MYBL1: variants seen among roughly 807,000 people sequenced by gnomAD.
MYBL1 encodes the protein MYB proto-oncogene like 1.
MYBL1 carries 17 observed loss-of-function variants against 96.3 expected under a neutral mutation model. That is an observed-to-expected ratio of 0.18 (90% CI 0.12 to 0.26). MYBL1 has a LOEUF of 0.26. Among genes scored for constraint, MYBL1 ranks in the 10% least tolerant of loss-of-function variants. The probability of loss-of-function intolerance (pLI) is 1.00; values close to 1 mark genes in which losing one functional copy is unlikely to be tolerated. For synonymous variants in MYBL1, 282 were observed against 292.7 expected, an observed-to-expected ratio of 0.96 and a Z score of 0.37; for missense variants, 701 against 882.9, an observed-to-expected ratio of 0.79 and a Z score of 2.61.
intron 1 of MYBL1, among the ~76,000 whole-genome samples, chr8:66,606,347 G>A (rs1022694518): frequency 3.9e-5 from 6 of 152,046 alleles, no homozygotes; most frequent in Non-Finnish European, 7.4e-5. Flanking sequence ...TTAGTATTAC[G>A]TGCATAGGCT....
chr8:66,597,270 A>G (rs1384811570), intron 5 of MYBL1, 60 bp downstream of exon 5: 3 of 1,189,768 alleles, frequency 2.5e-6, no homozygotes, highest in East Asian at 2.6e-5. Context: ...TGTATTTAAC[A>G]GTAAGGTAAT....
At chr8:66,608,379 C>T (rs375833929) in intron 1 of MYBL1, among the ~76,000 whole-genome samples, 1 of 152,090 alleles carries the variant, frequency 6.6e-6, no homozygotes, top group African/African-American at 2.4e-5. Flanking sequence ...TTAGAATTAT[C>T]TACCACTCTG....
chr8:66,600,883 T>C (rs1343657462), intron 3 of MYBL1, among the ~76,000 whole-genome samples: 4 of 152,038 alleles, frequency 2.6e-5, no homozygotes, highest in Non-Finnish European at 4.4e-5. Context: ...TAAGAGCATA[T>C]GTGAGGACCA....
At chr8:66,599,500 G>T (rs1809980807) in intron 3 of MYBL1, among the ~76,000 whole-genome samples, 1 of 152,076 alleles carries the variant, frequency 6.6e-6, no homozygotes, top group African/African-American at 2.4e-5. Context: ...ACACAAAGCT[G>T]ACATAAGAAC....
chr8:66,595,554 T>A, intron 6 of MYBL1, 29 bp downstream of exon 6: 1 of 1,349,304 alleles, frequency 7.4e-7, no homozygotes, highest in East Asian at 2.8e-5. Flanking sequence ...GAAAATTTTT[T>A]AAATAATAAA....
In MYBL1 at chr8:66,595,607, C is replaced by G; in HGVS notation, c.663G>C (p.Gln221His). The stretch of plus-strand genomic sequence containing the variant: ...CCTGAACAGGTATGTAAAACTGATT[C>G]TGGGTTTGCATATGATCCATAGCTG... ...PCAAMDHMQT[Q>H]NQFYIPVQIP... is the part of the protein sequence containing the mutation. Residue 221 changes from glutamine to histidine, a missense_variant, in exon 6 of 16, where the codon CAG (glutamine) becomes CAC (histidine). By Grantham distance (24) the Gln-to-His change is conservative. Coordinates refer to ENST00000522677, the MANE Select transcript of MYBL1 (RefSeq NM_001080416.4). The G allele has an allele frequency of 6.3e-7, 1 of 1,579,610 alleles. No homozygotes were observed. The highest frequency in any genetic ancestry group is 8.6e-7 in the Non-Finnish European group (1 of 1,163,318).
intron 8 of MYBL1, among the ~76,000 whole-genome samples, chr8:66,586,808 T>C (rs2129886340): frequency 6.6e-6 from 1 of 152,310 alleles, no homozygotes; most frequent in East Asian, 1.9e-4. Flanking sequence ...TCTGTATATT[T>C]ATACACACAC....
At chr8:66,583,440 C>A (rs1809293571) in intron 8 of MYBL1, among the ~76,000 whole-genome samples, 1 of 151,784 alleles carries the variant, frequency 6.6e-6, no homozygotes, top group African/African-American at 2.4e-5. Context: ...AAACCAAACC[C>A]AAAGCTAGCA....
At chr8:66,592,895 G>C (rs1340006703) in intron 7 of MYBL1, among the ~76,000 whole-genome samples, 1 of 152,054 alleles carries the variant, frequency 6.6e-6, no homozygotes, top group South Asian at 2.1e-4. Context: ...GCTTTACCTT[G>C]AAAGAATGAA....
rs1808522328 is a variant in MYBL1 at position 66,566,786 on chromosome 8, A to T, written c.1848T>A (p.Asn616Lys). The change falls in exon 14 of 16, where the codon AAT becomes AAA. Residue 616 changes from asparagine (N) to lysine (K), a missense_variant and splice_region_variant. Asn to Lys is a moderately conservative substitution (Grantham distance 94). Around this residue, in one of 5 missense-constraint regions of MYBL1, gnomAD observed 63 missense variants for 109.2 expected, o/e 0.58. Transcript: ENST00000522677. ...EPAYKSCKQE[N>K]TASGKKVRKS... ...TTCTGACTTTCTTCCCAGAAGCGGT[A>T]TTCTAGAATGAGTAATTTATGTAGA... 1 of 1,604,174 alleles carries T rather than the reference A, an allele frequency of 6.2e-7. No homozygotes were observed. Among genetic ancestry groups the T allele is most frequent in the African/African-American group, 1.3e-5 (1 of 74,684 alleles).
intron 8 of MYBL1, among the ~76,000 whole-genome samples, chr8:66,585,992 C>G (rs2129878654): frequency 6.8e-6 from 1 of 147,314 alleles, no homozygotes; most frequent in Non-Finnish European, 1.5e-5. Context: ...ACAAAAAAAT[C>G]AACAACAAAA....
intron 13 of MYBL1, 33 bp downstream of exon 13, chr8:66,566,843 A>G (rs1233856035): frequency 1.3e-6 from 2 of 1,590,440 alleles, no homozygotes; most frequent in East Asian, 2.2e-5. Flanking sequence ...GGATACAATA[A>G]GACTTTTATT....
chr8:66,578,865 T>C (rs1310795984), intron 9 of MYBL1, among the ~76,000 whole-genome samples: 1 of 152,002 alleles, frequency 6.6e-6, no homozygotes, highest in Admixed American at 6.6e-5. Context: ...ATTAAGAAAA[T>C]GTGGCACATA....
In MYBL1 at chr8:66,576,148, T is replaced by C. The variant is rs530144248; in HGVS notation, c.1329A>G (p.Pro443=). 2.5e-6 allele frequency: 4 copies of C among 1,613,990 alleles called. No individual in the cohort carries two copies. In the South Asian group the frequency reaches 4.4e-5, roughly 18 times the overall value. ...TSPNIAKFST[P]PAILRKKRKM... ...TTCTCTTCTTTCTGAGGATGGCTGG[T>C]GGAGTGCTAAACTTGGCTATATTTG... The change falls in exon 10 of 16, where the codon CCA becomes CCG. Residue 443 remains proline (P), a synonymous_variant. Transcript: ENST00000522677.
At position 66,562,856 on chromosome 8, in the gene MYBL1, A is replaced by AT. The variant is rs1424471325; in HGVS notation, c.*1840dup. ...TAAGAGGATTCAAATTGGTTTATCT[A>AT]TTTATCAATAAGGCATAATCTTAGT... On this transcript the variant is annotated 3_prime_UTR_variant, in exon 16 of 16. Transcript: ENST00000522677. 10 of 147,088 alleles carry AT rather than the reference A, an allele frequency of 6.8e-5. No homozygotes were observed. The highest frequency in any genetic ancestry group is 2.4e-4 in the African/African-American group (9 of 37,510). The allele number at this position is 147,088 out of a possible 1,614,324, so 9.1% of individuals were successfully genotyped here. A position where few individuals can be genotyped will look rare whatever the true frequency, so the allele number is the denominator to read the frequency against.
intron 1 of MYBL1, among the ~76,000 whole-genome samples, chr8:66,602,733 ATTTTTTTTTTTTTT>A (rs143426704): frequency 3.5e-5 from 1 of 28,172 alleles, no homozygotes; most frequent in African/African-American, 1.8e-4. Flanking sequence ...ATATATATAT[ATTTTTTTTTTTTTT>A]TTTTTTTTTT....
chr8:66,612,822 C>T lies in MYBL1; in HGVS notation c.17G>A (p.Arg6His). MAKRS[R>H]SEDEDDDLQY... ...GGGCGAAAGGGGTGCCACCCACCTG[C>T]GCGACCTCTTCGCCATCCTTCAAGT... The change falls in exon 1 of 16, where the codon CGC becomes CAC. Residue 6 changes from arginine (R) to histidine (H), a missense_variant. Physicochemically the swap from Arg to His is conservative, Grantham distance 29. Coordinates refer to ENST00000522677, the MANE Select transcript of MYBL1 (RefSeq NM_001080416.4). 7.3e-7 allele frequency: 1 copy of T among 1,370,866 alleles called. No individual in the cohort carries two copies. Among genetic ancestry groups the T allele is most frequent in the Non-Finnish European group, 9.5e-7 (1 of 1,052,916 alleles). 84.9% of individuals were successfully genotyped at this position (1,370,866 alleles called of 1,614,324 possible). A position where few individuals can be genotyped will look rare whatever the true frequency, so the allele number is the denominator to read the frequency against.
At chr8:66,566,614 G>A in intron 14 of MYBL1, 70 bp downstream of exon 14, 1 of 1,019,798 alleles carries the variant, frequency 9.8e-7, no homozygotes, top group Non-Finnish European at 1.4e-6. Flanking sequence ...TACACAATGA[G>A]TAAGAAATAA....
intron 12 of MYBL1, among the ~76,000 whole-genome samples, chr8:66,568,239 T>C (rs979035689): frequency 6.6e-6 from 1 of 152,144 alleles, no homozygotes; most frequent in Non-Finnish European, 1.5e-5. Context: ...GGAATTATGT[T>C]AGTGTTTCCG....
Sources: allele counts gnomAD v4.1 joint callset (sites outside exome capture counted in the v4.1 genomes callset), GRCh38; gene constraint gnomAD v4.1.1; regional missense constraint gnomAD v4.1.1; transcripts MANE v1.5; gene names NCBI Gene and HGNC (gene_info 2026-07-23, HGNC 2026-07-21).